ZIM2: variants seen among roughly 807,000 people sequenced by gnomAD.
ZIM2 encodes zinc finger protein 656.
In ZIM2, 14 loss-of-function variants were observed where a neutral mutation model predicts 38.6. The ratio of observed to expected loss-of-function variants is 0.36; its 90% CI spans 0.24 to 0.57. The LOEUF is 0.57. ZIM2 is among the 20% of genes least tolerant of loss of function. The pLI, the probability that ZIM2 is intolerant of heterozygous loss-of-function variation, is 0.81. For synonymous variants in ZIM2, 247 were observed against 245.8 expected, an observed-to-expected ratio of 1.00 and a Z score of -0.04; for missense variants, 680 against 695.1, an observed-to-expected ratio of 0.98 and a Z score of 0.24.
At chr19:56,805,970 T>C (rs2047738496) in intron 9 of ZIM2, among the ~76,000 whole-genome samples, 2 of 152,248 alleles carry the variant, frequency 1.3e-5, no homozygotes, top group South Asian at 2.1e-4. Context: ...ACCTCAGTTA[T>C]GTAAGAGAAA....
At chr19:56,800,490 C>T (rs1218768585) in intron 9 of ZIM2, among the ~76,000 whole-genome samples, 2 of 151,938 alleles carry the variant, frequency 1.3e-5, no homozygotes, top group East Asian at 1.9e-4. Context: ...GTAAGAATTG[C>T]AATAATATAT....
intron 1 of ZIM2, among the ~76,000 whole-genome samples, chr19:56,836,483 A>G (rs2062117021): frequency 6.6e-6 from 1 of 152,098 alleles, no homozygotes; most frequent in African/African-American, 2.4e-5. Context: ...ACCCTTTATC[A>G]CGTAAAATAT....
chr19:56,814,984 T>C lies in ZIM2; in HGVS notation c.490+2762A>G, dbSNP rs145519551. On this transcript the variant is annotated intron_variant, in intron 9 of 12. Transcript: ENST00000629319. This position sits in a 1 kb window ranked among gnomAD's most constrained non-coding sequence, Gnocchi z 5.8. Reference sequence around the variant, plus strand: ...CTGCTCTCCAGTGTAATCTCTCTGATACTCGCTGATGGAATGGGTGTGAAT... The same window carrying C: ...CTGCTCTCCAGTGTAATCTCTCTGACACTCGCTGATGGAATGGGTGTGAAT... 12 of 1,614,218 alleles carry C rather than the reference T, an allele frequency of 7.4e-6. No homozygotes were observed. The Admixed American group carries it at 1.7e-4, about 22-fold the overall frequency.
chr19:56,828,453 T>C (rs1054143059), intron 2 of ZIM2, among the ~76,000 whole-genome samples: 3 of 152,162 alleles, frequency 2.0e-5, no homozygotes, highest in Non-Finnish European at 4.4e-5. Context: ...CACAAAGATA[T>C]ACAGTTCAAA....
intron 2 of ZIM2, among the ~76,000 whole-genome samples, chr19:56,828,340 C>T (rs911832751): frequency 2.6e-5 from 4 of 152,136 alleles, no homozygotes; most frequent in African/African-American, 9.7e-5. Flanking sequence ...TGAATATACC[C>T]CTCAATTACA....
chr19:56,836,969 CAAAAAAAAAAAAAAAAAAA>C (rs573566620), intron 1 of ZIM2, among the ~76,000 whole-genome samples: 30 of 116,972 alleles, frequency 2.6e-4, no homozygotes, highest in Admixed American at 5.0e-4. Context: ...GACTCTGTCT[CAAAAAAAAAAAAAAAAAAA>C]AAAAAAAAAA....
In ZIM2 at chr19:56,817,064, A is replaced by G. The variant is rs752962371; in HGVS notation, c.490+682T>C. The G allele has an allele frequency of 2.5e-6, 4 of 1,613,794 alleles. No individual in the cohort carries two copies. The South Asian group carries it at 4.4e-5, about 18-fold the overall frequency. On this transcript the variant is annotated intron_variant, in intron 9 of 12. Coordinates refer to ENST00000629319, the MANE Select transcript of ZIM2 (RefSeq NM_001387356.1). Reference sequence around the variant, plus strand: ...ACAAATTCTGAGATGACACTGAACGACCTCCCACACTCATCACATACATAT... The same window carrying G: ...ACAAATTCTGAGATGACACTGAACGGCCTCCCACACTCATCACATACATAT...
intron 9 of ZIM2, among the ~76,000 whole-genome samples, chr19:56,803,558 G>A (rs1322996518): frequency 6.6e-6 from 1 of 152,186 alleles, no homozygotes; most frequent in Non-Finnish European, 1.5e-5. Context: ...CCAGGCACGT[G>A]TATTCCATCT....
At chr19:56,796,527 T>TA (rs1049226558) in intron 9 of ZIM2, among the ~76,000 whole-genome samples, 3 of 152,194 alleles carry the variant, frequency 2.0e-5, no homozygotes, top group Non-Finnish European at 4.4e-5. Context: ...CCCGAACCTC[T>TA]AAGCTGGAGG....
At chr19:56,776,606 CTT>C (rs892734120) in intron 12 of ZIM2, among the ~76,000 whole-genome samples, 5 of 151,818 alleles carry the variant, frequency 3.3e-5, no homozygotes, top group Admixed American at 2.0e-4. Context: ...CTCTGAATCT[CTT>C]GTTTTACCCC....
At chr19:56,792,905 T>C (rs746051954) in intron 9 of ZIM2, 2 of 152,624 alleles carry the variant, frequency 1.3e-5, no homozygotes, top group Non-Finnish European at 2.9e-5. Context: ...CTTTCATTCA[T>C]TCACTCAACA....
At chr19:56,817,722 C>G in intron 9 of ZIM2, 24 bp downstream of exon 9, 1 of 1,604,368 alleles carries the variant, frequency 6.2e-7, no homozygotes, top group Non-Finnish European at 8.5e-7. Context: ...TGTGGCTCCT[C>G]TGTGGGATGT....
At chr19:56,776,080 GAC>G (rs1489299562) in intron 12 of ZIM2, among the ~76,000 whole-genome samples, 3 of 128,562 alleles carry the variant, frequency 2.3e-5, no homozygotes, top group Non-Finnish European at 4.7e-5. Flanking sequence ...CAGCCTGGAT[GAC>G]AGAGTGAGAC....
chr19:56,835,161 C>A (rs2061962887), intron 2 of ZIM2, among the ~76,000 whole-genome samples: 2 of 152,146 alleles, frequency 1.3e-5, no homozygotes, highest in Admixed American at 1.3e-4. Flanking sequence ...GGTCTCCCCA[C>A]ACCCACTGCG....
rs536223516 is a variant in ZIM2, at chr19:56,797,644, C to T, written c.491-7693G>A. On this transcript the variant is annotated intron_variant, in intron 9 of 12. Transcript: ENST00000629319. ...CTCTTTCTTCTTCTCCTCCTTCTTCCCCTCCTCCTCCTCCTCTTCCTCCTC... is the reference window on the plus strand; with the variant it reads ...CTCTTTCTTCTTCTCCTCCTTCTTCTCCTCCTCCTCCTCCTCTTCCTCCTC... 2.6e-5 allele frequency among the ~76,000 whole-genome samples: 4 copies of T among 152,076 alleles called. No individual in the cohort carries two copies. The East Asian group carries it at 5.8e-4, about 22-fold the overall frequency.
intron 9 of ZIM2, among the ~76,000 whole-genome samples, chr19:56,801,118 G>A (rs558020827): frequency 8.6e-5 from 13 of 151,786 alleles, no homozygotes; most frequent in African/African-American, 3.1e-4. Context: ...TGTGTTTTTA[G>A]TAGAGACAGG....
intron 7 of ZIM2, among the ~76,000 whole-genome samples, chr19:56,818,942 T>G (rs1191592866): frequency 6.6e-6 from 1 of 152,214 alleles, no homozygotes; most frequent in Non-Finnish European, 1.5e-5. Flanking sequence ...TCATGCAGCT[T>G]ATAATTTGGT....
chr19:56,775,657 G>C, intron 12 of ZIM2, 128 bp from the exon 13 acceptor site: 1 of 1,092,926 alleles, frequency 9.1e-7, no homozygotes, highest in Non-Finnish European at 1.2e-6. Context: ...TTCCTAATCT[G>C]AAAAAAAAAA....
chr19:56,784,947 A>G (rs2046518882), intron 10 of ZIM2, among the ~76,000 whole-genome samples: 1 of 152,218 alleles, frequency 6.6e-6, no homozygotes, highest in African/African-American at 2.4e-5. Flanking sequence ...GCAAATCAAC[A>G]AACACTGGAT....
Sources: gnomAD v4.1 joint callset for allele counts (sites outside exome capture counted in the v4.1 genomes callset) on GRCh38, gnomAD v4.1.1 for gene constraint, Gnocchi (gnomAD v3.1) non-coding constraint, MANE v1.5 for transcripts, NCBI Gene and HGNC (gene_info 2026-07-23, HGNC 2026-07-21) for gene names.